Variants in ZNF385D observed in about 807,000 individuals in gnomAD.
ZNF385D encodes the protein zinc finger protein 385D.
A neutral mutation model predicts 35.8 loss-of-function variants in ZNF385D; 15 were observed. The observed-to-expected ratio is 0.42, with a 90% confidence interval of 0.28 to 0.64. The LOEUF (loss-of-function observed/expected upper bound fraction) is 0.64. Ranked by LOEUF, ZNF385D falls within the 30% of genes least tolerant of loss-of-function variation. The pLI is 0.23. For missense variants in ZNF385D, 474 were observed against 494.6 expected, an observed-to-expected ratio of 0.96 and a Z score of 0.39; for synonymous variants, 212 against 186.8, an observed-to-expected ratio of 1.13 and a Z score of -1.10.
chr3:21,633,777 A>G (rs1027302063), intron 2 of ZNF385D, among the ~76,000 whole-genome samples: 1 of 152,114 alleles, frequency 6.6e-6, no homozygotes, highest in Admixed American at 6.6e-5. Context: ...ATTTCCTCTA[A>G]CTCCAGACTT....
At chr3:21,770,237 T>C (rs1351293952) in intron 3 of ZNF385D, among the ~76,000 whole-genome samples, 3 of 151,934 alleles carry the variant, frequency 2.0e-5, no homozygotes, top group Non-Finnish European at 4.4e-5. Context: ...AATTGACAAA[T>C]GGGATCTAAT....
chr3:22,175,383 T>A (rs6785603), intron 2 of ZNF385D, among the ~76,000 whole-genome samples: 87,938 of 151,670 alleles, frequency 0.58, 28,058 homozygotes, highest in African/African-American at 0.86. Context: ...ACTTGGAATA[T>A]AATTTCCAGA....
intron 2 of ZNF385D, among the ~76,000 whole-genome samples, chr3:22,257,937 A>G (rs1700399294): frequency 6.6e-6 from 1 of 151,886 alleles, no homozygotes; most frequent in Non-Finnish European, 1.5e-5. Flanking sequence ...ATTATATTTA[A>G]TCTTACAATC....
chr3:22,322,601 G>A (rs1297884012), intron 2 of ZNF385D, among the ~76,000 whole-genome samples: 2 of 152,056 alleles, frequency 1.3e-5, no homozygotes, highest in Non-Finnish European at 2.9e-5. Context: ...TCAGTTAAGG[G>A]ATCTTTTACT....
intron 3 of ZNF385D, among the ~76,000 whole-genome samples, chr3:21,975,210 C>T (rs1703519984): frequency 2.0e-5 from 3 of 152,144 alleles, no homozygotes; most frequent in Non-Finnish European, 4.4e-5. Flanking sequence ...TACATATACA[C>T]AATGGAGTAC....
At chr3:21,689,249 G>A (rs1267941743) in intron 1 of ZNF385D, among the ~76,000 whole-genome samples, 3 of 151,898 alleles carry the variant, frequency 2.0e-5, no homozygotes, top group Non-Finnish European at 4.4e-5. Context: ...ATAGAGACCA[G>A]AGAGAAAGAA....
At chr3:21,481,928 A>G (rs1490855602) in intron 4 of ZNF385D, among the ~76,000 whole-genome samples, 4 of 151,938 alleles carry the variant, frequency 2.6e-5, no homozygotes, top group Non-Finnish European at 1.5e-5. Flanking sequence ...TTTGGACACT[A>G]CTCTCAACAT....
chr3:22,208,488 T>C (rs1465822998), intron 2 of ZNF385D, among the ~76,000 whole-genome samples: 1 of 151,728 alleles, frequency 6.6e-6, no homozygotes, highest in African/African-American at 2.4e-5. Context: ...AGTTGGTTAA[T>C]GGGTACAAAA....
intron 3 of ZNF385D, among the ~76,000 whole-genome samples, chr3:22,116,188 A>C (rs1222747325): frequency 6.6e-6 from 1 of 152,064 alleles, no homozygotes; most frequent in Middle Eastern, 3.2e-3. Context: ...AGCTTTTAGA[A>C]AAAAGCTCTC....
At chr3:21,978,913 A>G (rs1694225708) in intron 3 of ZNF385D, among the ~76,000 whole-genome samples, 1 of 152,194 alleles carries the variant, frequency 6.6e-6, no homozygotes, top group Non-Finnish European at 1.5e-5. Context: ...AAAGTAAAAT[A>G]TGTGAAAAAA....
intron 2 of ZNF385D, among the ~76,000 whole-genome samples, chr3:22,267,651 TTTTC>T (rs1480232736): frequency 5.3e-5 from 8 of 151,952 alleles, no homozygotes; most frequent in Admixed American, 2.0e-4. Context: ...TTACCTACAC[TTTTC>T]TTTGTCATGT....
At chr3:21,862,416 A>T (rs754006845) in intron 3 of ZNF385D, among the ~76,000 whole-genome samples, 1 of 152,012 alleles carries the variant, frequency 6.6e-6, no homozygotes, top group African/African-American at 2.4e-5. Context: ...TGAGATTCTT[A>T]TATCACAGTA....
intron 3 of ZNF385D, among the ~76,000 whole-genome samples, chr3:21,997,373 T>C (rs989011919): frequency 3.3e-5 from 5 of 152,036 alleles, no homozygotes; most frequent in African/African-American, 1.2e-4. Flanking sequence ...TGGGGAGGGA[T>C]AGCATTAGGA....
In ZNF385D at chr3:21,602,986, C is replaced by T. The variant is rs1231067470; in HGVS notation, c.166-38302G>A. Among the ~76,000 whole-genome samples the T allele has an allele frequency of 2.0e-5, 3 of 152,130 alleles. No individual in the cohort carries two copies. In the South Asian group the frequency reaches 6.2e-4, roughly 32 times the overall value. ...CTGTTTAGACAAAACCCAGTCATAC[C>T]CCCTCTTGCTTCTTTTATGCCTCTG... On this transcript the variant is annotated intron_variant, in intron 2 of 7. Transcript: ENST00000281523.
At position 21,937,516 on chromosome 3, in the gene ZNF385D, T is replaced by C. The variant is rs180823178; in HGVS notation, c.325+231301A>G. Among the ~76,000 whole-genome samples, 20 of 152,286 alleles carry C rather than the reference T, an allele frequency of 1.3e-4. No homozygotes were observed. The East Asian group carries it at 3.1e-3, about 24-fold the overall frequency. On this transcript the variant is annotated intron_variant, in intron 3 of 5. Transcript: ENST00000494108. ...TCTCATCAAGAAACTTTAAAAAAGA[T>C]GTTTTGTGTTAATGATGATGAGGTG...
chr3:22,075,015 G>T (rs918897859), intron 3 of ZNF385D, among the ~76,000 whole-genome samples: 1 of 151,832 alleles, frequency 6.6e-6, no homozygotes, highest in Non-Finnish European at 1.5e-5. Context: ...TAGTTCAATA[G>T]CCCTCAATAT....
At chr3:21,519,336 G>A (rs1048516479) in intron 3 of ZNF385D, among the ~76,000 whole-genome samples, 6 of 151,992 alleles carry the variant, frequency 3.9e-5, no homozygotes, top group Admixed American at 3.3e-4. Flanking sequence ...AGTCTAGATG[G>A]GGTCACTTTT....
At chr3:22,279,862 ACT>A (rs1701648388) in intron 2 of ZNF385D, among the ~76,000 whole-genome samples, 2 of 152,058 alleles carry the variant, frequency 1.3e-5, no homozygotes, top group South Asian at 4.1e-4. Context: ...GAATCTCCAC[ACT>A]GTTTTCCACA....
At chr3:21,901,747 T>C (rs1054650256) in intron 3 of ZNF385D, among the ~76,000 whole-genome samples, 5 of 152,152 alleles carry the variant, frequency 3.3e-5, no homozygotes, top group African/African-American at 1.2e-4. Flanking sequence ...CAAGCAACTT[T>C]GAAGAAAGCT....
Sources: gnomAD v4.1 joint callset for allele counts (sites outside exome capture counted in the v4.1 genomes callset) on GRCh38, gnomAD v4.1.1 for gene constraint, MANE v1.5 for transcripts, NCBI Gene and HGNC (gene_info 2026-07-23, HGNC 2026-07-21) for gene names.